The following KAZN variants were observed in gnomAD, a reference collection of about 807,000 sequenced individuals.
KAZN encodes kazrin.
In KAZN, 40 loss-of-function variants were observed where a neutral mutation model predicts 87.4. That is an observed-to-expected ratio of 0.46 (90% confidence interval 0.36 to 0.60). The LOEUF (loss-of-function observed/expected upper bound fraction) is 0.60, where lower values mean the gene tolerates loss of function less well. Among genes scored for constraint, KAZN ranks in the 20% least tolerant of loss-of-function variants. The pLI is 0.00. For synonymous variants in KAZN, 466 were observed against 458.3 expected, an observed-to-expected ratio of 1.02 and a Z score of -0.22; for missense variants, 898 against 1,073.9, an observed-to-expected ratio of 0.84 and a Z score of 2.29.
At chr1:14,576,662 C>T (rs1675205213) in intron 2 of KAZN, among the ~76,000 whole-genome samples, 1 of 152,164 alleles carries the variant, frequency 6.6e-6, no homozygotes, top group South Asian at 2.1e-4. Context: ...TGGCCTGCTG[C>T]CATTGAACGC....
At chr1:14,085,744 A>G (rs1643834579) in intron 1 of KAZN, among the ~76,000 whole-genome samples, 1 of 152,194 alleles carries the variant, frequency 6.6e-6, no homozygotes. Context: ...CTAGGTGGAT[A>G]TGAGCTTTTA....
chr1:14,068,128 C>T (rs4994005), intron 1 of KAZN, among the ~76,000 whole-genome samples: 21,924 of 152,072 alleles, frequency 0.14, 2,095 homozygotes, highest in Middle Eastern at 0.25. Flanking sequence ...GTTCCCCCCC[C>T]CAACAATTGA....
At chr1:15,054,968 G>C (rs1377432543) in intron 4 of KAZN, among the ~76,000 whole-genome samples, 2 of 152,274 alleles carry the variant, frequency 1.3e-5, no homozygotes, top group African/African-American at 4.8e-5. Context: ...ATTCAAGAAG[G>C]AGCTAGTCGT....
At chr1:14,193,083 G>A (rs1646453808) in intron 2 of KAZN, among the ~76,000 whole-genome samples, 1 of 152,156 alleles carries the variant, frequency 6.6e-6, no homozygotes, top group Non-Finnish European at 1.5e-5. Context: ...CAAAAGATCT[G>A]ATGGTTTTAT....
rs140884633 is a variant in KAZN, at chr1:13,944,249, G to A, written c.91+50493G>A. Among the ~76,000 whole-genome samples the A allele has an allele frequency of 3.9e-5, 6 of 152,302 alleles. No homozygotes were observed. In the South Asian group the frequency reaches 6.2e-4, roughly 16 times the overall value. On this transcript the variant is annotated intron_variant, in intron 1 of 16. Transcript: ENST00000636203. ...TAGATGAACGTTGAAAATAGCACGCGACGTGAAAGAAGCCAGACACAAGAG... is the reference window on the plus strand; with the variant it reads ...TAGATGAACGTTGAAAATAGCACGCAACGTGAAAGAAGCCAGACACAAGAG...
chr1:14,183,617 A>G (rs1646244790), intron 2 of KAZN, among the ~76,000 whole-genome samples: 1 of 152,028 alleles, frequency 6.6e-6, no homozygotes. Flanking sequence ...TCTGGTAGAG[A>G]TTAATTCTTT....
At chr1:14,800,439 G>T (rs970065884) in intron 1 of KAZN, among the ~76,000 whole-genome samples, 2 of 152,202 alleles carry the variant, frequency 1.3e-5, no homozygotes, top group Non-Finnish European at 2.9e-5. Context: ...GGTGGCTCGT[G>T]CCTGTAATCC....
intron 2 of KAZN, among the ~76,000 whole-genome samples, chr1:14,490,547 C>T (rs539210236): frequency 6.0e-4 from 91 of 152,190 alleles, no homozygotes; most frequent in Non-Finnish European, 1.2e-3. Context: ...GGCTGGAGTG[C>T]AGTGGCGCGA....
intron 1 of KAZN, among the ~76,000 whole-genome samples, chr1:14,794,225 G>C (rs1334937200): frequency 1.3e-5 from 2 of 152,140 alleles, no homozygotes; most frequent in African/African-American, 4.8e-5. Context: ...AAGCGCAGTG[G>C]GGATTGCTGA....
intron 2 of KAZN, among the ~76,000 whole-genome samples, chr1:14,280,350 G>T (rs577243205): frequency 1.6e-5 from 2 of 123,784 alleles, no homozygotes; most frequent in East Asian, 5.1e-4. Flanking sequence ...CAGCCTGGGT[G>T]ACAGAGTGAG....
chr1:14,946,368 C>T (rs1345896482), intron 1 of KAZN, among the ~76,000 whole-genome samples: 4 of 146,786 alleles, frequency 2.7e-5, no homozygotes, highest in South Asian at 2.2e-4. Flanking sequence ...GATGGAGTCT[C>T]GCTCTGTTGC....
At chr1:15,013,555 A>AC (rs1557716324) in intron 2 of KAZN, among the ~76,000 whole-genome samples, 1 of 152,072 alleles carries the variant, frequency 6.6e-6, no homozygotes, top group Non-Finnish European at 1.5e-5. Context: ...GGAGTTCATG[A>AC]CCAGCCTGGC....
intron 13 of KAZN, among the ~76,000 whole-genome samples, chr1:15,109,107 A>G (rs1391829298): frequency 6.6e-6 from 1 of 152,168 alleles, no homozygotes; most frequent in Non-Finnish European, 1.5e-5. Context: ...AGGGCTGGCC[A>G]GGCACGGTGG....
chr1:14,099,190 G>A (rs1273048627), intron 1 of KAZN, among the ~76,000 whole-genome samples: 3 of 152,092 alleles, frequency 2.0e-5, no homozygotes, highest in Admixed American at 6.5e-5. Context: ...TAGATAACTG[G>A]AGCTTTAATC....
At chr1:14,069,759 G>T (rs1643166680) in intron 1 of KAZN, among the ~76,000 whole-genome samples, 1 of 152,206 alleles carries the variant, frequency 6.6e-6, no homozygotes, top group African/African-American at 2.4e-5. Context: ...AACCCTTTCA[G>T]GTTTTGTTAT....
At chr1:14,919,799 T>C (rs1658297228) in intron 1 of KAZN, among the ~76,000 whole-genome samples, 1 of 152,210 alleles carries the variant, frequency 6.6e-6, no homozygotes, top group Admixed American at 6.5e-5. Flanking sequence ...TGTTGAGATA[T>C]GTTTAGATAT....
intron 2 of KAZN, among the ~76,000 whole-genome samples, chr1:14,283,523 A>G (rs1467809330): frequency 6.6e-6 from 1 of 152,246 alleles, no homozygotes; most frequent in Non-Finnish European, 1.5e-5. Context: ...GGAAATGAAA[A>G]TCAGCACCAC....
chr1:14,301,319 C>T (rs1169690679), intron 2 of KAZN, among the ~76,000 whole-genome samples: 1 of 152,192 alleles, frequency 6.6e-6, no homozygotes, highest in African/African-American at 2.4e-5. Flanking sequence ...GTTCTCTGGC[C>T]CAAAGGCCCT....
At chr1:14,059,430 C>A (rs1642702121) in intron 1 of KAZN, among the ~76,000 whole-genome samples, 1 of 152,182 alleles carries the variant, frequency 6.6e-6, no homozygotes, top group Non-Finnish European at 1.5e-5. Flanking sequence ...AAAGAAATAT[C>A]CAGCACAGGA....
Sources: allele counts gnomAD v4.1 joint callset (sites outside exome capture counted in the v4.1 genomes callset), GRCh38; gene constraint gnomAD v4.1.1; transcripts MANE v1.5; gene names NCBI Gene and HGNC (gene_info 2026-07-23, HGNC 2026-07-21).